The following MLIP variants were observed in gnomAD, a reference collection of about 807,000 sequenced individuals.
MLIP encodes muscular LMNA interacting protein, also known as muscular LMNA-interacting protein.
In MLIP, 79 loss-of-function variants were observed where a neutral mutation model predicts 84.8. The ratio of observed to expected loss-of-function variants is 0.93; its 90% confidence interval spans 0.78 to 1.12. The LOEUF is 1.12. Ranked by LOEUF, MLIP falls within the 50% of genes most tolerant of loss-of-function variation. MLIP has a pLI of 0.00. For missense variants in MLIP, 1,257 were observed against 1,160.6 expected (o/e 1.08, Z -1.21); for synonymous variants, 504 against 463.0 (o/e 1.09, Z -1.14).
chr6:54,263,300 G>C (rs1242170426), intron 13 of MLIP, among the ~76,000 whole-genome samples: 1 of 151,860 alleles, frequency 6.6e-6, no homozygotes, highest in African/African-American at 2.4e-5. Flanking sequence ...TTATCTATGA[G>C]GCTGCCTTTA....
intron 12 of MLIP, among the ~76,000 whole-genome samples, chr6:54,237,225 T>A (rs1211671277): frequency 2.0e-5 from 3 of 151,498 alleles, no homozygotes; most frequent in Non-Finnish European, 4.4e-5. Context: ...GAGCTTCATA[T>A]GGCTGGGGAA....
chr6:54,030,429 G>A (rs1235997579), intron 1 of MLIP, among the ~76,000 whole-genome samples: 2 of 152,166 alleles, frequency 1.3e-5, no homozygotes, highest in East Asian at 3.8e-4. Flanking sequence ...TGGGACATTT[G>A]TAGGAGGTAA....
At chr6:54,141,280 T>C (rs1772272841) in intron 4 of MLIP, among the ~76,000 whole-genome samples, 1 of 151,264 alleles carries the variant, frequency 6.6e-6, no homozygotes, top group Admixed American at 6.6e-5. Context: ...TTGCTTTAGA[T>C]AGGATGGGCA....
chr6:54,137,201 A>C lies in MLIP; in HGVS notation c.1132A>C (p.Lys378Gln). The change falls in exon 4 of 14, where the codon AAA becomes CAA. Residue 378 changes from lysine (K) to glutamine (Q), a missense_variant. Coordinates refer to ENST00000502396, the MANE Select transcript of MLIP (RefSeq NM_001281747.2). ...IVTHSLSPSP[K>Q]PFTSSFHGSS... ...CACGCATTCACTCTCTCCGAGCCCCAAACCATTTACCTCCTCTTTCCACGG... is the reference window on the plus strand; with the variant it reads ...CACGCATTCACTCTCTCCGAGCCCCCAACCATTTACCTCCTCTTTCCACGG... 1.3e-6 allele frequency: 2 copies of C among 1,535,870 alleles called. No individual in the cohort carries two copies. Among genetic ancestry groups the C allele is most frequent in the Non-Finnish European group, 1.7e-6 (2 of 1,146,836 alleles).
intron 12 of MLIP, among the ~76,000 whole-genome samples, chr6:54,247,583 G>T (rs959753574): frequency 6.6e-5 from 10 of 152,124 alleles, no homozygotes; most frequent in African/African-American, 2.4e-4. Flanking sequence ...ATGGTAAAAG[G>T]GTCAGAAAAA....
chr6:54,091,151 G>A (rs1414509962), intron 1 of MLIP, among the ~76,000 whole-genome samples: 1 of 152,006 alleles, frequency 6.6e-6, no homozygotes, highest in East Asian at 1.9e-4. Flanking sequence ...GTACCCTGGG[G>A]GGAAAAAATC....
intron 12 of MLIP, among the ~76,000 whole-genome samples, chr6:54,232,642 ATTGT>A (rs1237620054): frequency 6.6e-5 from 10 of 152,250 alleles, no homozygotes; most frequent in Non-Finnish European, 8.8e-5. Flanking sequence ...GTTTACAAAC[ATTGT>A]TTGTTAGATA....
chr6:54,021,008 T>G (rs1763468940), intron 1 of MLIP, among the ~76,000 whole-genome samples: 1 of 152,226 alleles, frequency 6.6e-6, no homozygotes, highest in Non-Finnish European at 1.5e-5. Context: ...AAGTTTTGCC[T>G]ATGCTTAGTA....
intron 11 of MLIP, among the ~76,000 whole-genome samples, chr6:54,225,416 TG>T (rs765814629): frequency 2.9e-4 from 44 of 152,310 alleles, no homozygotes; most frequent in Admixed American, 2.0e-3. Context: ...TCAGTAAAAA[TG>T]GGACCACCAT....
At chr6:54,230,329 C>A (rs1396112134) in intron 11 of MLIP, among the ~76,000 whole-genome samples, 2 of 152,174 alleles carry the variant, frequency 1.3e-5, no homozygotes, top group African/African-American at 4.8e-5. Flanking sequence ...TCACAAGCAT[C>A]TTTAAATTAA....
At chr6:54,177,781 G>T in intron 9 of MLIP, among the ~76,000 whole-genome samples, 1 of 152,082 alleles carries the variant, frequency 6.6e-6, no homozygotes, top group East Asian at 1.9e-4. Context: ...ATAGCAAAAA[G>T]ATAGAATCAA....
rs748355428 is a variant in MLIP at position 54,124,810 on chromosome 6, C to T, written c.590C>T (p.Thr197Ile). ...AAAACACAGGGGACTGATCTCAAGA[C>T]CTCATCACATCCTGAAATGCTTCAT... ...RPKTQGTDLKTSSHPEMLHGM... is the reference protein window; with the variant it reads ...RPKTQGTDLKISSHPEMLHGM... Residue 197 changes from threonine to isoleucine, a missense_variant, in exon 3 of 14, where the codon ACC becomes ATC. Thr to Ile is a moderately conservative substitution (Grantham distance 89, BLOSUM62 -1). Coordinates refer to ENST00000502396, the MANE Select transcript of MLIP (RefSeq NM_001281747.2). 8 of 1,612,628 alleles carry T rather than the reference C, an allele frequency of 5.0e-6. No individual in the cohort carries two copies. In the Admixed American group the frequency reaches 5.0e-5, roughly 10 times the overall value.
chr6:54,099,688 C>T (rs1257654901), intron 1 of MLIP: 1 of 152,092 alleles, frequency 6.6e-6, no homozygotes, highest in South Asian at 2.1e-4. Flanking sequence ...AGGGATATCA[C>T]AGAGAGGTTT....
At chr6:54,220,940 C>T (rs891645943) in intron 11 of MLIP, among the ~76,000 whole-genome samples, 2 of 151,958 alleles carry the variant, frequency 1.3e-5, no homozygotes, top group African/African-American at 2.4e-5. Flanking sequence ...CACACACACA[C>T]GTAGAGGATT....
chr6:54,128,081 A>G (rs942620598), intron 3 of MLIP, among the ~76,000 whole-genome samples: 10 of 152,170 alleles, frequency 6.6e-5, no homozygotes, highest in African/African-American at 2.4e-4. Flanking sequence ...AATATATGGG[A>G]AAAATTAAGC....
chr6:54,123,918 A>G (rs1770681029), intron 2 of MLIP, among the ~76,000 whole-genome samples: 2 of 152,212 alleles, frequency 1.3e-5, no homozygotes, highest in Admixed American at 1.3e-4. Context: ...GATGCTTTGT[A>G]CTAAAAATAT....
Position 54,099,124 on chromosome 6 carries a change from C to CA in MLIP, c.64-22316dup, listed in dbSNP as rs553131633. Among the ~76,000 whole-genome samples, 106 of 152,052 alleles carry CA rather than the reference C, an allele frequency of 7.0e-4. 2 individuals are homozygous for CA. In the South Asian group the frequency reaches 0.021, roughly 30 times the overall value. On this transcript the variant is annotated intron_variant, in intron 1 of 12. Coordinates refer to the MLIP transcript ENST00000274897. Reference sequence around the variant, plus strand: ...TTAATGATCATCTATTCTTCTTTACCAAAAAAAGTTGTTTTGAGAAGGAAT... The same window carrying CA: ...TTAATGATCATCTATTCTTCTTTACCAAAAAAAAGTTGTTTTGAGAAGGAAT...
rs1048040457 is a variant in MLIP, at chr6:54,265,859, T to C, written c.2977-91T>C. On this transcript the variant is annotated intron_variant, in intron 13 of 13. Coordinates refer to ENST00000502396, the MANE Select transcript of MLIP (RefSeq NM_001281747.2). ...GTATAAACCATTTTTTTGTAGGAGA[T>C]GCTATGCCCAAATATTAATGTATAA... 47 of 1,211,438 alleles carry C rather than the reference T, an allele frequency of 3.9e-5. No individual in the cohort carries two copies. The African/African-American group carries it at 5.8e-4, about 15-fold the overall frequency. The allele number at this position is 1,211,438 out of a possible 1,614,324, so 75.0% of individuals were successfully genotyped here.
intron 4 of MLIP, among the ~76,000 whole-genome samples, chr6:54,142,300 C>A (rs925077870): frequency 6.6e-6 from 1 of 152,160 alleles, no homozygotes; most frequent in Non-Finnish European, 1.5e-5. Context: ...ATAATAACCC[C>A]TCCAAATAAG....
Sources: gnomAD v4.1 joint callset for allele counts (sites outside exome capture counted in the v4.1 genomes callset) on GRCh38, gnomAD v4.1.1 for gene constraint, MANE v1.5 for transcripts, NCBI Gene and HGNC (gene_info 2026-07-23, HGNC 2026-07-21) for gene names.